Variants in PARP12 observed in about 807,000 individuals in gnomAD.
The protein encoded by PARP12 is poly(ADP-ribose) polymerase family member 12.
In PARP12, 59 loss-of-function variants were observed where a neutral mutation model predicts 72.4. The ratio of observed to expected loss-of-function variants is 0.81; its 90% CI spans 0.66 to 1.01. PARP12 has a LOEUF of 1.01. Among genes scored for constraint, PARP12 ranks in the 50% least tolerant of loss-of-function variants. The pLI is 0.00. For missense variants in PARP12, 851 were observed against 914.0 expected, an observed-to-expected ratio of 0.93 and a Z score of 0.89; for synonymous variants, 403 against 371.4, an observed-to-expected ratio of 1.09 and a Z score of -0.98.
In PARP12 at chr7:140,027,459, T is replaced by C. The variant is rs1195804555; in HGVS notation, c.1498-53A>G. On this transcript the variant is annotated intron_variant, in intron 9 of 11. Transcript: ENST00000263549. ...TTACCATCAACGTGCAGAATATAAA[T>C]CAGTCCCTTCCCAAAGCTTCTTGTA... is the stretch of plus-strand genomic sequence containing the variant. The C allele has an allele frequency of 1.9e-6, 3 of 1,596,748 alleles. No homozygotes were observed. The African/African-American group carries it at 4.0e-5, about 21-fold the overall frequency.
Position 140,028,657 on chromosome 7 carries a change from G to C in PARP12, c.1453C>G (p.Pro485Ala), listed in dbSNP as rs1283198093. 5.6e-6 allele frequency: 9 copies of C among 1,605,184 alleles called. No homozygotes were observed. The highest frequency in any genetic ancestry group is 1.3e-5 in the African/African-American group (1 of 74,862). Reference sequence around the variant, plus strand: ...AGGGCAGAGGAGTCCCAATAGTCTGGGATGCTCTTCGGGCCTGGAAACTTG... The same window carrying C: ...AGGGCAGAGGAGTCCCAATAGTCTGCGATGCTCTTCGGGCCTGGAAACTTG... ...NTKFPGPKSI[P>A]DYWDSSALPD... Residue 485 changes from proline (P) to alanine (A), a missense_variant, in exon 9 of 12, where the codon CCA (proline) becomes GCA (alanine). By Grantham distance (27) the Pro-to-Ala change is conservative. Coordinates refer to ENST00000263549, the MANE Select transcript of PARP12 (RefSeq NM_022750.4).
At chr7:140,030,452 G>C (rs1815895794) in intron 8 of PARP12, among the ~76,000 whole-genome samples, 1 of 152,148 alleles carries the variant, frequency 6.6e-6, no homozygotes, top group African/African-American at 2.4e-5. Flanking sequence ...ACAAAAATTA[G>C]CCGGGCATGG....
At chr7:140,062,174 G>A (rs1014617789) in intron 1 of PARP12, among the ~76,000 whole-genome samples, 5 of 152,110 alleles carry the variant, frequency 3.3e-5, no homozygotes, top group African/African-American at 9.7e-5. Context: ...CTCAAAGCTG[G>A]CAAGGGGCGA....
chr7:140,041,776 A>C lies in PARP12; in HGVS notation c.1050T>G (p.Thr350=). ...GGCGGCGAGCCTGGGTAGCACCGTA[A>C]GTCATGGCGTTAAAGTTCAGACAAT... ...HSHCLNFNAM[T]YGATQARRLS... Residue 350 remains threonine (T), a synonymous_variant, in exon 6 of 12, where the codon ACT becomes ACG. Coordinates refer to ENST00000263549, the MANE Select transcript of PARP12 (RefSeq NM_022750.4). 1 of 1,614,150 alleles carries C rather than the reference A, an allele frequency of 6.2e-7. No individual in the cohort carries two copies.
chr7:140,052,682 C>T (rs937914573), intron 4 of PARP12, among the ~76,000 whole-genome samples: 1 of 150,934 alleles, frequency 6.6e-6, no homozygotes, highest in African/African-American at 2.5e-5. Flanking sequence ...GAACTCCATG[C>T]ATAATTTTTT....
intron 7 of PARP12, among the ~76,000 whole-genome samples, chr7:140,034,946 A>AT (rs964741958): frequency 2.6e-4 from 39 of 151,934 alleles, no homozygotes; most frequent in East Asian, 7.7e-4. Context: ...CAAGTCTTAC[A>AT]TTTTTTTTAA....
chr7:140,041,721 G>A lies in PARP12; in HGVS notation c.1105C>T (p.Pro369Ser). 1 of 1,614,218 alleles carries A rather than the reference G, an allele frequency of 6.2e-7. No individual in the cohort carries two copies. Among genetic ancestry groups the A allele is most frequent in the Non-Finnish European group, 8.5e-7 (1 of 1,180,036 alleles). The change falls in exon 6 of 12, where the codon CCA becomes TCA. Residue 369 changes from proline (P) to serine (S), a missense_variant. Around this residue, in one of 3 missense-constraint regions of PARP12, gnomAD observed 492 missense variants for 489.3 expected, o/e 1.01. Coordinates refer to ENST00000263549, the MANE Select transcript of PARP12 (RefSeq NM_022750.4). Reference sequence around the variant, plus strand: ...CAGTCAGTGGTGAGGATGAAGTGTGGAGGTTTGGTGACAGAGGAGGCCGTG... The same window carrying A: ...CAGTCAGTGGTGAGGATGAAGTGTGAAGGTTTGGTGACAGAGGAGGCCGTG... ...LSTASSVTKP[P>S]HFILTTDWIW...
chr7:140,050,780 T>G (rs1045309504), intron 4 of PARP12, among the ~76,000 whole-genome samples: 2 of 152,116 alleles, frequency 1.3e-5, no homozygotes, highest in Non-Finnish European at 2.9e-5. Flanking sequence ...TAGGCAAATA[T>G]TTTTAGGATA....
chr7:140,057,174 A>C, intron 2 of PARP12, 21 bp from the exon 3 acceptor site: 1 of 1,601,926 alleles, frequency 6.2e-7, no homozygotes, highest in South Asian at 1.1e-5. Context: ...AGAGGGAAAA[A>C]ACCACCAGTT....
intron 3 of PARP12, among the ~76,000 whole-genome samples, chr7:140,055,507 C>T (rs192296255): frequency 3.8e-4 from 58 of 152,320 alleles, no homozygotes; most frequent in Admixed American, 9.1e-4. Context: ...AATTTGCAAT[C>T]CCTATTTAGT....
rs1815781864 is a variant in PARP12 at position 140,027,509 on chromosome 7, A to G, written c.1498-103T>C. Reference sequence around the variant, plus strand: ...AAACACTAGAACCGCAGAAGCACAAAAGCCCAGAGAGCAGTGACCACATTC... The same window carrying G: ...AAACACTAGAACCGCAGAAGCACAAGAGCCCAGAGAGCAGTGACCACATTC... On this transcript the variant is annotated intron_variant, in intron 9 of 11. Transcript: ENST00000263549. The G allele has an allele frequency of 3.5e-6, 5 of 1,414,902 alleles. No individual in the cohort carries two copies. In the South Asian group the frequency reaches 6.2e-5, roughly 18 times the overall value. 87.6% of individuals were successfully genotyped at this position (1,414,902 alleles called of 1,614,324 possible).
chr7:140,047,732 C>T (rs753352176), intron 4 of PARP12, among the ~76,000 whole-genome samples: 6 of 152,108 alleles, frequency 3.9e-5, no homozygotes, highest in Non-Finnish European at 5.9e-5. Context: ...ATCCTCCCAT[C>T]TCAGCCTCCT....
intron 8 of PARP12, chr7:140,033,153 G>C: frequency 1.0e-6 from 1 of 980,320 alleles, no homozygotes; most frequent in Non-Finnish European, 1.2e-6. Flanking sequence ...TCGGCCTCTT[G>C]AACTGTTGGG....
In PARP12 at chr7:140,026,337, T is replaced by G. The variant is rs1569526297; in HGVS notation, c.1640A>C (p.Gln547Pro). 1.2e-6 allele frequency: 2 copies of G among 1,610,258 alleles called. No individual in the cohort carries two copies. Among genetic ancestry groups the G allele is most frequent in the Non-Finnish European group, 8.5e-7 (1 of 1,179,448 alleles). ...LWEVYQWQKGQMQKQNGGKAV... is the reference protein window; with the variant it reads ...LWEVYQWQKGPMQKQNGGKAV... ...CTTCCCTCCGTTCTGCTTCTGCATC[T>G]GTCCTTTTTGCCTAGAATCACAGAA... The change falls in exon 11 of 12, where the codon CAG (glutamine) becomes CCG (proline). Residue 547 changes from glutamine to proline, a missense_variant. Physicochemically the swap from Gln to Pro is moderately conservative, Grantham distance 76. Around this residue, in one of 3 missense-constraint regions of PARP12, gnomAD observed 347 missense variants for 396.1 expected, o/e 0.88. Coordinates refer to ENST00000263549, the MANE Select transcript of PARP12 (RefSeq NM_022750.4).
chr7:140,048,744 T>C (rs543027976), intron 4 of PARP12, among the ~76,000 whole-genome samples: 1 of 152,318 alleles, frequency 6.6e-6, no homozygotes, highest in Admixed American at 6.5e-5. Flanking sequence ...CAAGAAGATA[T>C]AATATATTCC....
At position 140,024,490 on chromosome 7, in the gene PARP12, AAG is replaced by A; in HGVS notation, c.*68_*69del. Reference sequence around the variant, plus strand: ...AGTTCATTAAAAGTTTCTGTTTAAAAAGAAAAGGAAAGGCCCAAATAGCCATT... The same window carrying A: ...AGTTCATTAAAAGTTTCTGTTTAAAAAAAAGGAAAGGCCCAAATAGCCATT... On this transcript the variant is annotated 3_prime_UTR_variant, in exon 12 of 12. Transcript: ENST00000263549. The A allele has an allele frequency of 6.7e-7, 1 of 1,495,742 alleles. No individual in the cohort carries two copies. The highest frequency in any genetic ancestry group is 9.2e-7 in the Non-Finnish European group (1 of 1,082,432). The allele number at this position is 1,495,742 out of a possible 1,614,324, so 92.7% of individuals were successfully genotyped here.
intron 6 of PARP12, among the ~76,000 whole-genome samples, chr7:140,039,762 A>C (rs1392290327): frequency 6.6e-6 from 1 of 152,228 alleles, no homozygotes; most frequent in Non-Finnish European, 1.5e-5. Context: ...AGGGAGGACA[A>C]GACAAACCAG....
intron 1 of PARP12, among the ~76,000 whole-genome samples, chr7:140,059,971 G>A (rs775086614): frequency 6.6e-6 from 1 of 152,214 alleles, no homozygotes; most frequent in Non-Finnish European, 1.5e-5. Context: ...CAGAAGAGGG[G>A]CAAATAATTT....
In PARP12 at chr7:140,059,459, C is replaced by A. The variant is rs369711120; in HGVS notation, c.327-1425G>T. ...TCCATCCACAAGCGTCTGATAAGCACCAGGGTGAGCCAGACATTGGCACCA... is the reference window on the plus strand; with the variant it reads ...TCCATCCACAAGCGTCTGATAAGCAACAGGGTGAGCCAGACATTGGCACCA... On this transcript the variant is annotated intron_variant, in intron 1 of 11. Transcript: ENST00000263549. Among the ~76,000 whole-genome samples, 20 of 151,290 alleles carry A rather than the reference C, an allele frequency of 1.3e-4. No homozygotes were observed. The South Asian group carries it at 4.2e-3, about 31-fold the overall frequency.
Sources: gnomAD v4.1 joint callset for allele counts (sites outside exome capture counted in the v4.1 genomes callset) on GRCh38, gnomAD v4.1.1 for gene constraint, gnomAD v4.1.1 regional missense constraint, MANE v1.5 for transcripts, NCBI Gene and HGNC (gene_info 2026-07-23, HGNC 2026-07-21) for gene names.